Variants in DPF3 observed in about 807,000 individuals in gnomAD.
DPF3 encodes double PHD fingers 3.
A neutral mutation model predicts 56.8 loss-of-function variants in DPF3; 18 were observed. That is an observed-to-expected ratio of 0.32 (90% confidence interval 0.22 to 0.47). DPF3 has a LOEUF of 0.47. Ranked by LOEUF, DPF3 falls within the 20% of genes least tolerant of loss-of-function variation. DPF3 has a pLI of 1.00. For missense variants in DPF3, 403 were observed against 488.8 expected (o/e 0.82, Z 1.65); for synonymous variants, 188 against 180.2 (o/e 1.04, Z -0.35).
At chr14:72,886,243 A>G (rs1886540734) in intron 1 of DPF3, among the ~76,000 whole-genome samples, 1 of 152,158 alleles carries the variant, frequency 6.6e-6, no homozygotes, top group Non-Finnish European at 1.5e-5. Flanking sequence ...GTAATGGCGC[A>G]TGCCTACAGT....
chr14:72,624,871 A>G (rs1248507607), intron 9 of DPF3, among the ~76,000 whole-genome samples: 1 of 152,238 alleles, frequency 6.6e-6, no homozygotes, highest in Non-Finnish European at 1.5e-5. Context: ...CAAGAATACC[A>G]CTAAAGTAAT....
intron 8 of DPF3, among the ~76,000 whole-genome samples, chr14:72,655,224 A>C (rs188034634): frequency 1.3e-5 from 2 of 152,324 alleles, no homozygotes; most frequent in East Asian, 3.9e-4. Context: ...AAAATTATTT[A>C]GAAAGAATGC....
chr14:72,863,144 A>ATGTGTGTG (rs1484840768), intron 1 of DPF3, among the ~76,000 whole-genome samples: 11 of 101,924 alleles, frequency 1.1e-4, no homozygotes, highest in East Asian at 3.0e-4. Flanking sequence ...GTGTATATAT[A>ATGTGTGTG]TATGTGTGTG....
At chr14:72,714,000 G>A (rs1170584090) in intron 6 of DPF3, among the ~76,000 whole-genome samples, 1 of 152,226 alleles carries the variant, frequency 6.6e-6, no homozygotes, top group African/African-American at 2.4e-5. Flanking sequence ...GAAATTAAAG[G>A]GAAACAAATG....
chr14:72,828,446 G>A lies in DPF3; in HGVS notation c.33-56553C>T, dbSNP rs1316206063. On this transcript the variant is annotated intron_variant, in intron 1 of 10. Coordinates refer to ENST00000556509, the MANE Select transcript of DPF3 (RefSeq NM_001280542.3). ...TCAACACTTTGGGAGGCCAAGGCAA[G>A]AGGATCGCTTGAGCCTGGGAGGTGG... 2.0e-5 allele frequency among the ~76,000 whole-genome samples: 3 copies of A among 149,482 alleles called. No homozygotes were observed. In the East Asian group the frequency reaches 6.1e-4, roughly 30 times the overall value.
intron 6 of DPF3, among the ~76,000 whole-genome samples, chr14:72,709,397 T>C (rs6574092): frequency 0.38 from 57,857 of 151,974 alleles, 11,324 homozygotes; most frequent in East Asian, 0.56. Flanking sequence ...GGCAGTGATT[T>C]TAATAGATTT....
intron 4 of DPF3, among the ~76,000 whole-genome samples, chr14:72,726,740 C>G (rs1047810623): frequency 6.6e-6 from 1 of 152,150 alleles, no homozygotes; most frequent in South Asian, 2.1e-4. Context: ...GACATGCATT[C>G]CTTGTCCAAG....
chr14:72,854,701 G>A (rs1885112342), intron 1 of DPF3, among the ~76,000 whole-genome samples: 2 of 152,134 alleles, frequency 1.3e-5, no homozygotes, highest in South Asian at 2.1e-4. Context: ...TGGGTCTCTT[G>A]AACTCCTAGT....
At chr14:72,791,077 G>A (rs1179270222) in intron 1 of DPF3, among the ~76,000 whole-genome samples, 1 of 152,102 alleles carries the variant, frequency 6.6e-6, no homozygotes, top group Non-Finnish European at 1.5e-5. Flanking sequence ...CACAGCTCCT[G>A]TGGGCCAGCC....
chr14:72,672,987 TA>T (rs1886759527), intron 8 of DPF3, among the ~76,000 whole-genome samples: 1 of 152,096 alleles, frequency 6.6e-6, no homozygotes, highest in Admixed American at 6.5e-5. Context: ...ATCCATAGAA[TA>T]AAAAATTCAA....
At chr14:72,783,383 C>T (rs1892070038) in intron 1 of DPF3, among the ~76,000 whole-genome samples, 1 of 152,174 alleles carries the variant, frequency 6.6e-6, no homozygotes, top group Non-Finnish European at 1.5e-5. Context: ...CGACACATAT[C>T]ACTCAACAAA....
intron 8 of DPF3, chr14:72,661,086 A>G (rs893099716): frequency 1.1e-5 from 11 of 985,502 alleles, no homozygotes; most frequent in Non-Finnish European, 1.3e-5. Context: ...AGAAACTTAC[A>G]CACACTTGGT....
chr14:72,804,618 T>C (rs531687786), intron 1 of DPF3, among the ~76,000 whole-genome samples: 1 of 152,266 alleles, frequency 6.6e-6, no homozygotes, highest in Admixed American at 6.5e-5. Flanking sequence ...GGTTTGTTTG[T>C]GTTTTTGTTT....
chr14:72,725,819 T>C (rs1213835234), intron 4 of DPF3, among the ~76,000 whole-genome samples: 1 of 152,156 alleles, frequency 6.6e-6, no homozygotes, highest in Non-Finnish European at 1.5e-5. Flanking sequence ...GCTAGAATGT[T>C]CTGCTCTAAA....
At chr14:72,726,003 C>T (rs1889393288) in intron 4 of DPF3, among the ~76,000 whole-genome samples, 1 of 152,220 alleles carries the variant, frequency 6.6e-6, no homozygotes, top group African/African-American at 2.4e-5. Context: ...GCATTGTCTG[C>T]TGGACATGAC....
intron 1 of DPF3, among the ~76,000 whole-genome samples, chr14:72,775,985 CAAA>C (rs772302551): frequency 9.8e-6 from 1 of 101,858 alleles, no homozygotes. Context: ...GTATTTCTGC[CAAA>C]AAAAAAAAAA....
At position 72,615,282 on chromosome 14, in the gene DPF3, T is replaced by C. The variant is rs1167144003; in HGVS notation, c.*4015A>G. 6.6e-6 allele frequency among the ~76,000 whole-genome samples: 1 copy of C among 152,156 alleles called. No homozygotes were observed. The highest frequency in any genetic ancestry group is 2.4e-5 in the African/African-American group (1 of 41,432). On this transcript the variant is annotated 3_prime_UTR_variant, in exon 11 of 11. Coordinates refer to ENST00000556509, the MANE Select transcript of DPF3 (RefSeq NM_001280542.3). ...ACACACAGACCCAAAGAGGAGACTA[T>C]AAGCCCCTCTTCTTTGAGTCCTGAG...
At chr14:72,825,569 G>A (rs188349179) in intron 1 of DPF3, among the ~76,000 whole-genome samples, 409 of 152,296 alleles carry the variant, frequency 2.7e-3, no homozygotes, top group Non-Finnish European at 4.4e-3. Flanking sequence ...CCTGAACACC[G>A]CAGGGCGGGT....
At chr14:72,758,376 G>C in intron 2 of DPF3, among the ~76,000 whole-genome samples, 1 of 152,176 alleles carries the variant, frequency 6.6e-6, no homozygotes, top group East Asian at 1.9e-4. Flanking sequence ...GGAACACAAG[G>C]AGGAGGAATA....
Sources: allele counts gnomAD v4.1 joint callset (sites outside exome capture counted in the v4.1 genomes callset), GRCh38; gene constraint gnomAD v4.1.1; transcripts MANE v1.5; gene names NCBI Gene and HGNC (gene_info 2026-07-23, HGNC 2026-07-21).